PPP2R2A: variants seen among roughly 807,000 people sequenced by gnomAD.
PPP2R2A encodes the protein serine/threonine-protein phosphatase 2A 55 kDa regulatory subunit B alpha isoform.
Under a neutral mutation model 53.2 loss-of-function variants are expected in PPP2R2A, and 9 were observed. The observed-to-expected ratio is 0.17, with a 90% CI of 0.10 to 0.30. The LOEUF is 0.30. Among genes scored for constraint, PPP2R2A ranks in the 10% least tolerant of loss-of-function variants. The pLI, the probability that PPP2R2A is intolerant of heterozygous loss-of-function variation, is 1.00. For synonymous variants in PPP2R2A, 169 were observed against 174.2 expected (o/e 0.97, Z 0.23); for missense variants, 235 against 534.6 (o/e 0.44, Z 5.53).
chr8:26,370,598 C>A lies in PPP2R2A; in HGVS notation c.*185C>A. On this transcript the variant is annotated 3_prime_UTR_variant, in exon 10 of 10. Coordinates refer to ENST00000380737, the MANE Select transcript of PPP2R2A (RefSeq NM_002717.4). This position sits in a 1 kb window ranked among gnomAD's most constrained non-coding sequence, Gnocchi z 6.1. The stretch of plus-strand genomic sequence containing the variant: ...TCTGTGGATTCATCACTGTGGTGTT[C>A]TCCATGTCTGCTAGCCATTTAGGTA... 1 of 691,646 alleles carries A rather than the reference C, an allele frequency of 1.4e-6. No homozygotes were observed. Among genetic ancestry groups the A allele is most frequent in the East Asian group, 2.7e-5 (1 of 36,406 alleles). 42.8% of individuals were successfully genotyped at this position (691,646 alleles called of 1,614,324 possible). A position where few individuals can be genotyped will look rare whatever the true frequency, so the allele number is the denominator to read the frequency against.
chr8:26,352,086 T>C (rs1322286699), intron 3 of PPP2R2A, among the ~76,000 whole-genome samples: 2 of 152,128 alleles, frequency 1.3e-5, no homozygotes, highest in East Asian at 1.9e-4. Context: ...ATAGTGATCA[T>C]AAAGGCAAGC....
At chr8:26,345,217 TTAA>T (rs746632124) in intron 3 of PPP2R2A, among the ~76,000 whole-genome samples, 132 of 152,324 alleles carry the variant, frequency 8.7e-4, no homozygotes, top group Non-Finnish European at 1.4e-3. Context: ...ATCTATGAAA[TTAA>T]TAATGCCCAG....
At chr8:26,297,673 A>G (rs1470519278) in intron 2 of PPP2R2A, among the ~76,000 whole-genome samples, 20 of 152,174 alleles carry the variant, frequency 1.3e-4, no homozygotes, top group Admixed American at 1.3e-3. Context: ...AATGAGGATA[A>G]CAATAAAACC....
intron 2 of PPP2R2A, among the ~76,000 whole-genome samples, chr8:26,306,938 G>T (rs1302730565): frequency 2.0e-5 from 3 of 152,076 alleles, no homozygotes; most frequent in Non-Finnish European, 2.9e-5. Flanking sequence ...GCCATCACAG[G>T]TTTCTTATAT....
chr8:26,302,863 T>A (rs1164263175), intron 2 of PPP2R2A, among the ~76,000 whole-genome samples: 3 of 152,218 alleles, frequency 2.0e-5, no homozygotes, highest in African/African-American at 2.4e-5. Context: ...TTTTTGTTAA[T>A]GTGTGAGGTT....
At position 26,354,659 on chromosome 8, in the gene PPP2R2A, G is replaced by A; in HGVS notation, c.346+26G>A. The A allele has an allele frequency of 1.9e-6, 3 of 1,539,558 alleles. No individual in the cohort carries two copies. Among genetic ancestry groups the A allele is most frequent in the Non-Finnish European group, 2.6e-6 (3 of 1,137,262 alleles). Reference sequence around the variant, plus strand: ...GTAAGTATACATATTTTCTTTCCATGTGCCCACTGTGTGTACCTGTTGCAC... The same window carrying A: ...GTAAGTATACATATTTTCTTTCCATATGCCCACTGTGTGTACCTGTTGCAC... On this transcript the variant is annotated intron_variant, in intron 4 of 9. Transcript: ENST00000380737. The surrounding 1 kb of genome is among the most constrained non-coding windows in gnomAD (Gnocchi z 4.6).
At chr8:26,335,764 C>T (rs1198438866) in intron 2 of PPP2R2A, among the ~76,000 whole-genome samples, 1 of 152,174 alleles carries the variant, frequency 6.6e-6, no homozygotes, top group Non-Finnish European at 1.5e-5. Context: ...CAGCCACTTG[C>T]TGTTTGGGCC....
chr8:26,348,284 CAG>C (rs1804323220), intron 3 of PPP2R2A, among the ~76,000 whole-genome samples: 3 of 152,018 alleles, frequency 2.0e-5, no homozygotes, highest in Admixed American at 2.0e-4. Flanking sequence ...TACATTTTTG[CAG>C]AGTTTCATTT....
At chr8:26,327,986 G>C (rs551158473) in intron 2 of PPP2R2A, among the ~76,000 whole-genome samples, 1 of 152,176 alleles carries the variant, frequency 6.6e-6, no homozygotes. Context: ...AGGTAAAGGT[G>C]ATCTATAGTA....
rs1805693114 is a variant in PPP2R2A at position 26,372,311 on chromosome 8, A to T, written c.*1898A>T. 6.6e-6 allele frequency: 1 copy of T among 152,184 alleles called. No homozygotes were observed. Among genetic ancestry groups the T allele is most frequent in the Non-Finnish European group, 1.5e-5 (1 of 68,026 alleles). 9.4% of individuals were successfully genotyped at this position (152,184 alleles called of 1,614,324 possible). On this transcript the variant is annotated 3_prime_UTR_variant, in exon 10 of 10. Transcript: ENST00000380737. ...TGCAAGTGGGATATTCCCCTGCCAC[A>T]AGTGTCAAACAGTGATATTCTTCCT...
chr8:26,294,974 A>T lies in PPP2R2A; in HGVS notation c.82+1234A>T, dbSNP rs183139299. 5.3e-4 allele frequency among the ~76,000 whole-genome samples: 80 copies of T among 152,322 alleles called. 3 individuals carry two copies. The East Asian group carries it at 0.014, about 26-fold the overall frequency. ...AGTGTAAATCAAGGTTTTCTGATGA[A>T]GTCAGTGGTGTTTGACTTGTTCAGA... On this transcript the variant is annotated intron_variant, in intron 2 of 9. Coordinates refer to ENST00000380737, the MANE Select transcript of PPP2R2A (RefSeq NM_002717.4).
intron 2 of PPP2R2A, among the ~76,000 whole-genome samples, chr8:26,304,726 T>C (rs529057243): frequency 2.5e-4 from 38 of 152,348 alleles, no homozygotes; most frequent in African/African-American, 8.2e-4. Context: ...CAGGCTATTG[T>C]AGGCAATAAA....
intron 2 of PPP2R2A, among the ~76,000 whole-genome samples, chr8:26,333,268 T>C (rs148827916): frequency 9.2e-5 from 14 of 152,342 alleles, no homozygotes; most frequent in Non-Finnish European, 1.9e-4. Flanking sequence ...TAAAGAATTA[T>C]TTACAAAAAC....
intron 2 of PPP2R2A, among the ~76,000 whole-genome samples, chr8:26,335,080 A>C (rs1046200739): frequency 2.0e-5 from 3 of 152,200 alleles, no homozygotes; most frequent in African/African-American, 4.8e-5. Flanking sequence ...AGTGCTCTGC[A>C]GCACCAGGCA....
At chr8:26,324,206 C>T (rs180960210) in intron 2 of PPP2R2A, among the ~76,000 whole-genome samples, 29 of 152,336 alleles carry the variant, frequency 1.9e-4, no homozygotes, top group Non-Finnish European at 2.8e-4. Flanking sequence ...AAGTCACCAC[C>T]TCAGAGAGGC....
In PPP2R2A at chr8:26,354,058, G is replaced by A. The variant is rs1390441378; in HGVS notation, c.181-410G>A. On this transcript the variant is annotated intron_variant, in intron 3 of 9. Transcript: ENST00000380737. This position sits in a 1 kb window ranked among gnomAD's most constrained non-coding sequence, Gnocchi z 4.6. Reference sequence around the variant, plus strand: ...GATCGGGGAGTTGACCCTAAAGTGGGCATAGGAAGAAGGTGTGCCTCACCT... The same window carrying A: ...GATCGGGGAGTTGACCCTAAAGTGGACATAGGAAGAAGGTGTGCCTCACCT... 6.6e-6 allele frequency among the ~76,000 whole-genome samples: 1 copy of A among 152,158 alleles called. No homozygotes were observed. Among genetic ancestry groups the A allele is most frequent in the African/African-American group, 2.4e-5 (1 of 41,430 alleles).
rs1337426934 is a variant in PPP2R2A, at chr8:26,360,147, C to G, written c.347-22C>G. 1 of 1,389,730 alleles carries G rather than the reference C, an allele frequency of 7.2e-7. No individual in the cohort carries two copies. The highest frequency in any genetic ancestry group is 1.0e-6 in the Non-Finnish European group (1 of 992,854). The allele number at this position is 1,389,730 out of a possible 1,614,324, so 86.1% of individuals were successfully genotyped here. A position where few individuals can be genotyped will look rare whatever the true frequency, so the allele number is the denominator to read the frequency against. ...TTTTTCTTCTTCAGTATTTTAAGGA[C>G]TTTTCTTTATTTTCTTCCCAGATAA... is the stretch of plus-strand genomic sequence containing the variant. On this transcript the variant is annotated intron_variant, in intron 4 of 9. Coordinates refer to ENST00000380737, the MANE Select transcript of PPP2R2A (RefSeq NM_002717.4). This position sits in a 1 kb window ranked among gnomAD's most constrained non-coding sequence, Gnocchi z 4.5.
intron 2 of PPP2R2A, among the ~76,000 whole-genome samples, chr8:26,325,526 T>C (rs1390700971): frequency 1.3e-5 from 2 of 152,208 alleles, no homozygotes; most frequent in Non-Finnish European, 2.9e-5. Flanking sequence ...GTTTAGATGC[T>C]GTTAAATAAT....
At chr8:26,356,764 G>T (rs1585401499) in intron 4 of PPP2R2A, among the ~76,000 whole-genome samples, 3 of 152,114 alleles carry the variant, frequency 2.0e-5, no homozygotes, top group Admixed American at 2.0e-4. Flanking sequence ...CTTATAAAGA[G>T]AACTTTTTAA....
Sources: allele counts gnomAD v4.1 joint callset (sites outside exome capture counted in the v4.1 genomes callset), GRCh38; gene constraint gnomAD v4.1.1; non-coding constraint Gnocchi (gnomAD v3.1); transcripts MANE v1.5; gene names NCBI Gene and HGNC (gene_info 2026-07-23, HGNC 2026-07-21).